Variants in BABAM2 observed in about 807,000 individuals in gnomAD.
The protein encoded by BABAM2 is BRISC and BRCA1 A complex member 2.
BABAM2 carries 31 observed loss-of-function variants against 54.7 expected under a neutral mutation model. That is an observed-to-expected ratio of 0.57 (90% CI 0.43 to 0.77). The LOEUF is 0.77. BABAM2 is among the 30% of genes least tolerant of loss of function. BABAM2 has a pLI of 0.00. For synonymous variants in BABAM2, 167 were observed against 162.9 expected, an observed-to-expected ratio of 1.03 and a Z score of -0.19; for missense variants, 364 against 455.8, an observed-to-expected ratio of 0.80 and a Z score of 1.83.
At chr2:28,123,062 G>A (rs748633608) in intron 6 of BABAM2, among the ~76,000 whole-genome samples, 1 of 152,092 alleles carries the variant, frequency 6.6e-6, no homozygotes, top group Admixed American at 6.6e-5. Context: ...TCTCTGTTTA[G>A]AAAAGCTAGT....
At chr2:28,238,012 G>A (rs943188077) in intron 8 of BABAM2, among the ~76,000 whole-genome samples, 1 of 152,090 alleles carries the variant, frequency 6.6e-6, no homozygotes, top group South Asian at 2.1e-4. Flanking sequence ...ACCAGGCCTG[G>A]CTAATTTTTA....
At chr2:28,262,719 A>G (rs1684636868) in intron 10 of BABAM2, among the ~76,000 whole-genome samples, 1 of 152,162 alleles carries the variant, frequency 6.6e-6, no homozygotes, top group Admixed American at 6.5e-5. Context: ...GTTAAAGAAT[A>G]AATGAGAGAA....
rs1405433467 is a variant in BABAM2 at position 28,268,721 on chromosome 2, C to T, written c.934+23859C>T. On this transcript the variant is annotated intron_variant, in intron 10 of 11. Coordinates refer to ENST00000379624, the MANE Select transcript of BABAM2 (RefSeq NM_199191.3). ...TACCCAAGATCACAAATGCCGGCCC[C>T]CGTTGTTTGGATCAGCCCTCGTGCC... Among the ~76,000 whole-genome samples, 3 of 152,172 alleles carry T rather than the reference C, an allele frequency of 2.0e-5. No individual in the cohort carries two copies. In the East Asian group the frequency reaches 5.8e-4, roughly 29 times the overall value.
At chr2:28,337,552 A>G (rs978476994) in intron 11 of BABAM2, among the ~76,000 whole-genome samples, 1 of 152,356 alleles carries the variant, frequency 6.6e-6, no homozygotes, top group Admixed American at 6.5e-5. Context: ...GATGCCGGAA[A>G]GGCCAAACGG....
rs1423213320 is a variant in BABAM2 at position 28,174,498 on chromosome 2, T to C, written c.680+45118T>C. 2.0e-5 allele frequency among the ~76,000 whole-genome samples: 3 copies of C among 152,098 alleles called. No homozygotes were observed. The East Asian group carries it at 5.8e-4, about 29-fold the overall frequency. On this transcript the variant is annotated intron_variant, in intron 7 of 11. Transcript: ENST00000379624. ...AGAACACTGGGATTCAACAGAAAAG[T>C]GGCAGGAAACACCCAAGGCAAGGAA...
intron 7 of BABAM2, among the ~76,000 whole-genome samples, chr2:28,150,557 A>G (rs1325134208): frequency 1.3e-5 from 2 of 152,214 alleles, no homozygotes; most frequent in Non-Finnish European, 2.9e-5. Flanking sequence ...GGTAAACTAA[A>G]TGGGGCAATC....
At chr2:28,003,666 G>A (rs1673738326) in intron 4 of BABAM2, among the ~76,000 whole-genome samples, 2 of 152,046 alleles carry the variant, frequency 1.3e-5, no homozygotes, top group Admixed American at 1.3e-4. Context: ...AATGAACATG[G>A]GCGAGACAGA....
At chr2:28,280,881 G>A (rs1573990744) in intron 10 of BABAM2, among the ~76,000 whole-genome samples, 2 of 152,268 alleles carry the variant, frequency 1.3e-5, no homozygotes, top group South Asian at 4.2e-4. Context: ...GTAAGGCGGG[G>A]GGGCAGTGAG....
chr2:28,212,921 A>G (rs1016983365), intron 7 of BABAM2, among the ~76,000 whole-genome samples: 1 of 152,218 alleles, frequency 6.6e-6, no homozygotes, highest in Non-Finnish European at 1.5e-5. Flanking sequence ...GTGCTAGGCA[A>G]TTATTAATCT....
intron 10 of BABAM2, among the ~76,000 whole-genome samples, chr2:28,283,084 C>T (rs10193325): frequency 0.12 from 17,941 of 150,702 alleles, 1,581 homozygotes; most frequent in African/African-American, 0.24. Context: ...CTTTCAAGCA[C>T]AGATGAATCA....
At chr2:27,986,311 A>C (rs1672394065) in intron 3 of BABAM2, among the ~76,000 whole-genome samples, 1 of 152,126 alleles carries the variant, frequency 6.6e-6, no homozygotes, top group African/African-American at 2.4e-5. Context: ...AAGGTATGAT[A>C]ATGATTGAGT....
intron 6 of BABAM2, among the ~76,000 whole-genome samples, chr2:28,089,794 T>C (rs949023339): frequency 2.6e-5 from 4 of 152,196 alleles, no homozygotes; most frequent in Non-Finnish European, 2.9e-5. Flanking sequence ...TAAAGTTAAA[T>C]ATGCTGTTAA....
chr2:28,009,920 T>C (rs1674267221), intron 4 of BABAM2, among the ~76,000 whole-genome samples: 1 of 152,138 alleles, frequency 6.6e-6, no homozygotes, highest in Non-Finnish European at 1.5e-5. Flanking sequence ...ACAGGACAGC[T>C]TGTACATACT....
chr2:28,194,574 A>AC (rs1677298070), intron 7 of BABAM2, among the ~76,000 whole-genome samples: 1 of 59,822 alleles, frequency 1.7e-5, no homozygotes, highest in Admixed American at 2.5e-4. Flanking sequence ...TACAACGTAG[A>AC]CTTTTTTTTT....
At position 28,338,871 on chromosome 2, in the gene BABAM2, T is replaced by G; in HGVS notation, c.*358T>G. ...CTCTGAGACCTCTTAAGTTCTAAGATTAAATGCCCCTCGCTGTTCTTCCTC... is the reference window on the plus strand; with the variant it reads ...CTCTGAGACCTCTTAAGTTCTAAGAGTAAATGCCCCTCGCTGTTCTTCCTC... On this transcript the variant is annotated 3_prime_UTR_variant, in exon 12 of 12. Transcript: ENST00000379624. 1 of 252,156 alleles carries G rather than the reference T, an allele frequency of 4.0e-6. No individual in the cohort carries two copies. Among genetic ancestry groups the G allele is most frequent in the Non-Finnish European group, 7.8e-6 (1 of 128,478 alleles). The allele number at this position is 252,156 out of a possible 1,614,324, so 15.6% of individuals were successfully genotyped here.
intron 11 of BABAM2, among the ~76,000 whole-genome samples, chr2:28,326,371 C>T (rs1289024785): frequency 1.3e-5 from 2 of 152,132 alleles, no homozygotes; most frequent in Admixed American, 1.3e-4. Flanking sequence ...GAGCAGAGGA[C>T]TCACCATCTG....
At position 28,329,331 on chromosome 2, in the gene BABAM2, C is replaced by T. The variant is rs779764039; in HGVS notation, c.1089-9119C>T. Among the ~76,000 whole-genome samples the T allele has an allele frequency of 5.9e-5, 9 of 152,158 alleles. No homozygotes were observed. Among genetic ancestry groups the T allele is most frequent in the South Asian group, 2.1e-4 (1 of 4,824 alleles). ...TTGTATAAAACTATGCAGATGGAAA[C>T]GATCCAATAATAACCCAACTACTCC... is the stretch of plus-strand genomic sequence containing the variant. On this transcript the variant is annotated intron_variant, in intron 11 of 11. Coordinates refer to ENST00000379624, the MANE Select transcript of BABAM2 (RefSeq NM_199191.3). The surrounding 1 kb of genome is among the most constrained non-coding windows in gnomAD (Gnocchi z 4.2).
At chr2:27,953,269 C>T (rs566903531) in intron 3 of BABAM2, among the ~76,000 whole-genome samples, 4 of 152,246 alleles carry the variant, frequency 2.6e-5, no homozygotes, top group Non-Finnish European at 4.4e-5. Context: ...CAGCCTTGAA[C>T]TCCTGGGCTC....
chr2:28,288,883 A>T (rs956403180), intron 10 of BABAM2, among the ~76,000 whole-genome samples: 1 of 151,658 alleles, frequency 6.6e-6, no homozygotes, highest in African/African-American at 2.4e-5. Flanking sequence ...TGACCTTGCC[A>T]GGTCTCCTTT....
Sources: gnomAD v4.1 joint callset for allele counts (sites outside exome capture counted in the v4.1 genomes callset) on GRCh38, gnomAD v4.1.1 for gene constraint, Gnocchi (gnomAD v3.1) non-coding constraint, MANE v1.5 for transcripts, NCBI Gene and HGNC (gene_info 2026-07-23, HGNC 2026-07-21) for gene names.